SMARCA2: variants seen among roughly 807,000 people sequenced by gnomAD.
The protein encoded by SMARCA2 is SWI/SNF-related matrix-associated actin-dependent regulator of chromatin subfamily A member 2.
In SMARCA2, 61 loss-of-function variants were observed where a neutral mutation model predicts 199.8. The ratio of observed to expected loss-of-function variants is 0.31; its 90% CI spans 0.25 to 0.38. SMARCA2 has a LOEUF of 0.38. SMARCA2 is among the 10% of genes least tolerant of loss of function. SMARCA2 has a pLI of 1.00. For synonymous variants in SMARCA2, 935 were observed against 732.0 expected (o/e 1.28, Z -4.48); for missense variants, 1,344 against 2,012.2 (o/e 0.67, Z 6.35).
chr9:2,145,686 T>C (rs1437988282), intron 27 of SMARCA2, among the ~76,000 whole-genome samples: 1 of 152,226 alleles, frequency 6.6e-6, no homozygotes, highest in African/African-American at 2.4e-5. Flanking sequence ...TAAATGGATA[T>C]ATATCTAAGA....
chr9:2,076,422 AACTT>A (rs1821325740), intron 13 of SMARCA2, 93 bp downstream of exon 13: 2 of 798,076 alleles, frequency 2.5e-6, no homozygotes, highest in South Asian at 2.9e-5. Context: ...GAAGGCAACT[AACTT>A]CACGCCTACA....
intron 27 of SMARCA2, among the ~76,000 whole-genome samples, chr9:2,152,245 C>T (rs544433755): frequency 6.6e-6 from 1 of 152,256 alleles, no homozygotes; most frequent in South Asian, 2.1e-4. Flanking sequence ...GGAAGACAAC[C>T]CTATCAAGAA....
At chr9:2,092,229 A>G (rs555555130) in intron 19 of SMARCA2, among the ~76,000 whole-genome samples, 3 of 152,348 alleles carry the variant, frequency 2.0e-5, no homozygotes, top group African/African-American at 7.2e-5. Flanking sequence ...ATGTCTAAAT[A>G]TGCTAAAATA....
intron 27 of SMARCA2, among the ~76,000 whole-genome samples, chr9:2,144,297 G>A (rs913225515): frequency 3.9e-5 from 6 of 152,112 alleles, no homozygotes; most frequent in Non-Finnish European, 7.4e-5. Context: ...TTCTGTTGGC[G>A]ACCCCTGCGT....
At chr9:2,146,102 A>G (rs774041772) in intron 27 of SMARCA2, among the ~76,000 whole-genome samples, 1 of 152,254 alleles carries the variant, frequency 6.6e-6, no homozygotes, top group Non-Finnish European at 1.5e-5. Context: ...AAGCAGTTCT[A>G]GAAGCTGGGA....
At chr9:2,140,004 G>T (rs1267081714) in intron 27 of SMARCA2, among the ~76,000 whole-genome samples, 2 of 152,162 alleles carry the variant, frequency 1.3e-5, no homozygotes, top group Non-Finnish European at 2.9e-5. Context: ...GGACAGCTTG[G>T]CAGTCAGAAG....
intron 29 of SMARCA2, among the ~76,000 whole-genome samples, chr9:2,179,081 A>T (rs148733468): frequency 6.6e-6 from 1 of 152,152 alleles, no homozygotes; most frequent in South Asian, 2.1e-4. Context: ...TGGAGAGGAG[A>T]AAAAACCACA....
intron 27 of SMARCA2, among the ~76,000 whole-genome samples, chr9:2,131,865 G>A (rs932735153): frequency 9.3e-5 from 14 of 151,214 alleles, no homozygotes; most frequent in African/African-American, 2.7e-4. Flanking sequence ...ACTTGAACCT[G>A]GAGGTGGAGC....
chr9:2,031,868 TGAGGCTTCA>T (rs1348801680), intron 2 of SMARCA2, among the ~76,000 whole-genome samples: 1 of 152,218 alleles, frequency 6.6e-6, no homozygotes, highest in Admixed American at 6.5e-5. Flanking sequence ...CTTCTTCCTC[TGAGGCTTCA>T]GCTTTTTGCT....
At chr9:2,144,425 C>A (rs546422812) in intron 27 of SMARCA2, among the ~76,000 whole-genome samples, 4 of 152,298 alleles carry the variant, frequency 2.6e-5, no homozygotes, top group African/African-American at 9.6e-5. Context: ...GATTCTGAGG[C>A]AGCTTCTAAG....
At chr9:2,190,094 T>C (rs953903021) in intron 32 of SMARCA2, among the ~76,000 whole-genome samples, 2 of 152,226 alleles carry the variant, frequency 1.3e-5, no homozygotes, top group Non-Finnish European at 2.9e-5. Flanking sequence ...ATAGCTACCA[T>C]GGAGCAGATT....
At chr9:2,028,002 A>G (rs886351816) in intron 1 of SMARCA2, among the ~76,000 whole-genome samples, 14 of 152,244 alleles carry the variant, frequency 9.2e-5, no homozygotes, top group Non-Finnish European at 1.8e-4. Flanking sequence ...TACCCACTCT[A>G]TGAGGCATTT....
intron 29 of SMARCA2, 198 bp from the exon 30 acceptor site, chr9:2,181,373 A>G: frequency 2.1e-6 from 1 of 472,374 alleles, no homozygotes. Flanking sequence ...ACCAAATTGT[A>G]TTTTACTGTG....
chr9:2,159,891 G>A (rs776600423), intron 27 of SMARCA2: 1 of 1,611,670 alleles, frequency 6.2e-7, no homozygotes, highest in Non-Finnish European at 8.5e-7. Context: ...CTGATAGCCG[G>A]CCTGCTGATA....
chr9:2,084,930 C>T (rs923820411), intron 17 of SMARCA2, among the ~76,000 whole-genome samples: 18 of 152,162 alleles, frequency 1.2e-4, no homozygotes, highest in Admixed American at 2.0e-4. Flanking sequence ...TTTCGTGGAA[C>T]AAATAATGAA....
intron 11 of SMARCA2, 28 bp downstream of exon 11, chr9:2,073,370 G>C: frequency 6.2e-7 from 1 of 1,613,030 alleles, no homozygotes; most frequent in Non-Finnish European, 8.5e-7. Flanking sequence ...CGTTCATGGT[G>C]TTCTTTTAGC....
chr9:2,027,772 A>G (rs984822650), intron 1 of SMARCA2: 1 of 152,202 alleles, frequency 6.6e-6, no homozygotes, highest in Non-Finnish European at 1.5e-5. Flanking sequence ...CCACTAAACA[A>G]TGGGTAAGCA....
At chr9:2,023,268 T>C (rs957800738) in intron 1 of SMARCA2, among the ~76,000 whole-genome samples, 1 of 152,228 alleles carries the variant, frequency 6.6e-6, no homozygotes, top group African/African-American at 2.4e-5. Flanking sequence ...TTGCCAGGTC[T>C]GACTCTGGGC....
intron 8 of SMARCA2, among the ~76,000 whole-genome samples, chr9:2,060,468 A>C (rs1385064992): frequency 6.6e-6 from 1 of 151,084 alleles, no homozygotes; most frequent in Non-Finnish European, 1.5e-5. Context: ...ATATAGAGTT[A>C]AAGATAAAGT....
Sources: gnomAD v4.1 joint callset for allele counts (sites outside exome capture counted in the v4.1 genomes callset) on GRCh38, gnomAD v4.1.1 for gene constraint, MANE v1.5 for transcripts, NCBI Gene and HGNC (gene_info 2026-07-23, HGNC 2026-07-21) for gene names.